Variants in SV2C observed in about 807,000 individuals in gnomAD.
SV2C encodes the protein synaptic vesicle glycoprotein 2C, also known as solute carrier family 22 member B3.
A neutral mutation model predicts 79.7 loss-of-function variants in SV2C; 49 were observed. The observed-to-expected ratio is 0.61, with a 90% confidence interval of 0.49 to 0.78. The LOEUF (loss-of-function observed/expected upper bound fraction) is 0.78. SV2C is among the 30% of genes least tolerant of loss of function. The pLI is 0.00. For synonymous variants in SV2C, 334 were observed against 333.2 expected, an observed-to-expected ratio of 1.00 and a Z score of -0.03; for missense variants, 833 against 912.9, an observed-to-expected ratio of 0.91 and a Z score of 1.13.
intron 4 of SV2C, chr5:76,281,308 G>T: frequency 2.2e-6 from 1 of 460,210 alleles, no homozygotes; most frequent in African/African-American, 2.0e-5. Context: ...TTAATGGAAC[G>T]ATTCTAGGAC....
chr5:76,234,345 A>G (rs1745542901), intron 4 of SV2C, among the ~76,000 whole-genome samples: 1 of 152,206 alleles, frequency 6.6e-6, no homozygotes. Context: ...TTATCACTCA[A>G]ATTCTAAAGC....
At chr5:76,009,456 C>A in the SV2C span, among the ~76,000 whole-genome samples, 1 of 152,220 alleles carries the variant, frequency 6.6e-6, no homozygotes, top group Non-Finnish European at 1.5e-5. Context: ...AAGACACACA[C>A]ACTTGCATGT....
chr5:75,855,315 C>A, the SV2C span, among the ~76,000 whole-genome samples: 2 of 151,958 alleles, frequency 1.3e-5, no homozygotes, highest in Non-Finnish European at 2.9e-5. Context: ...TTTTTAATTG[C>A]TTGAAGAGAG....
chr5:76,312,242 T>A (rs1748467453), intron 12 of SV2C, among the ~76,000 whole-genome samples: 2 of 150,024 alleles, frequency 1.3e-5, no homozygotes, highest in South Asian at 2.1e-4. Flanking sequence ...TGCTTATGGC[T>A]CAGGGGCCAC....
chr5:76,160,717 A>C (rs1255990382), intron 2 of SV2C, among the ~76,000 whole-genome samples: 9 of 152,228 alleles, frequency 5.9e-5, no homozygotes, highest in East Asian at 3.8e-4. Flanking sequence ...TTAAAATGGC[A>C]AAGGACTTGA....
the SV2C span, among the ~76,000 whole-genome samples, chr5:75,944,193 A>G: frequency 6.6e-6 from 1 of 152,062 alleles, no homozygotes; most frequent in Non-Finnish European, 1.5e-5. Context: ...AAGAGAACCA[A>G]TTCTATGATG....
chr5:76,040,026 C>G, the SV2C span, among the ~76,000 whole-genome samples: 1 of 152,006 alleles, frequency 6.6e-6, no homozygotes, highest in Non-Finnish European at 1.5e-5. Context: ...GACAGCATAA[C>G]AAGATATAAT....
At chr5:76,325,319 G>A (rs1417204333) in intron 12 of SV2C, 45 bp from the exon 13 acceptor site, 2 of 1,593,486 alleles carry the variant, frequency 1.3e-6, no homozygotes, top group South Asian at 1.1e-5. Context: ...TTGGAATCAT[G>A]GGGAGGCATT....
chr5:75,970,746 C>T, the SV2C span, among the ~76,000 whole-genome samples: 1 of 152,060 alleles, frequency 6.6e-6, no homozygotes, highest in East Asian at 1.9e-4. Flanking sequence ...ACCAGAGGTA[C>T]ATGGAGGAAC....
the SV2C span, among the ~76,000 whole-genome samples, chr5:75,890,725 C>G: frequency 1.3e-5 from 2 of 152,058 alleles, no homozygotes; most frequent in Non-Finnish European, 2.9e-5. Flanking sequence ...TTGCCCTAAG[C>G]TAGAATGCTA....
chr5:76,242,399 G>C lies in SV2C; in HGVS notation c.913+32512G>C, dbSNP rs1745816953. The C allele has an allele frequency of 1.8e-5, 13 of 713,144 alleles. 1 individual carries two copies. Among genetic ancestry groups the C allele is most frequent in the South Asian group, 1.7e-4 (12 of 68,700 alleles). 44.2% of individuals were successfully genotyped at this position (713,144 alleles called of 1,614,324 possible). On this transcript the variant is annotated intron_variant, in intron 4 of 12. Coordinates refer to ENST00000502798, the MANE Select transcript of SV2C (RefSeq NM_014979.4). Reference sequence around the variant, plus strand: ...GTCGTTCTCGCCTCTTCTTCACACTGCTCCGGTCTCAATCTCTTGACCTCA... The same window carrying C: ...GTCGTTCTCGCCTCTTCTTCACACTCCTCCGGTCTCAATCTCTTGACCTCA...
intron 12 of SV2C, among the ~76,000 whole-genome samples, chr5:76,343,519 A>G (rs1749482890): frequency 6.6e-6 from 1 of 152,208 alleles, no homozygotes; most frequent in South Asian, 2.1e-4. Context: ...GTAAAATGCC[A>G]CTAGAGACTC....
intron 4 of SV2C, among the ~76,000 whole-genome samples, chr5:76,220,599 C>T (rs987446014): frequency 7.2e-6 from 1 of 139,822 alleles, no homozygotes; most frequent in African/African-American, 2.7e-5. Context: ...TTGAACTTCC[C>T]GGGAAGGGAC....
At chr5:75,862,345 G>A in the SV2C span, among the ~76,000 whole-genome samples, 1 of 152,150 alleles carries the variant, frequency 6.6e-6, no homozygotes, top group South Asian at 2.1e-4. Flanking sequence ...GGCAGCTTGG[G>A]TTTAGACAGA....
At chr5:76,028,444 T>C in the SV2C span, among the ~76,000 whole-genome samples, 2 of 152,144 alleles carry the variant, frequency 1.3e-5, no homozygotes, top group Admixed American at 1.3e-4. Flanking sequence ...GTAAAACCAG[T>C]TTGGCTGTAG....
In SV2C at chr5:76,294,306, T is replaced by C. The variant is rs80020763; in HGVS notation, c.1338-1472T>C. Among the ~76,000 whole-genome samples the C allele has an allele frequency of 2.3e-3, 296 of 127,022 alleles. 1 individual carries two copies. Among genetic ancestry groups the C allele is most frequent in the Middle Eastern group, 8.5e-3 (2 of 234 alleles). 83.3% of individuals were successfully genotyped at this position (127,022 alleles called of 152,430 possible). A position where few individuals can be genotyped will look rare whatever the true frequency, so the allele number is the denominator to read the frequency against. On this transcript the variant is annotated intron_variant, in intron 8 of 12. Coordinates refer to ENST00000502798, the MANE Select transcript of SV2C (RefSeq NM_014979.4). ...TTTGTTTCATTCATTCTCTCTCTCT[T>C]TTTTTTTTTTTTTTTTGATGGAGTC...
intron 1 of SV2C, among the ~76,000 whole-genome samples, chr5:76,098,187 G>A (rs1208122432): frequency 2.0e-5 from 3 of 152,146 alleles, no homozygotes; most frequent in African/African-American, 7.2e-5. Context: ...TATTCTTAGA[G>A]GTCACTGTCA....
the SV2C span, among the ~76,000 whole-genome samples, chr5:75,968,054 G>A: frequency 1.3e-5 from 2 of 152,172 alleles, no homozygotes; most frequent in Non-Finnish European, 2.9e-5. Flanking sequence ...TGATACCCAG[G>A]CAAACAGGGT....
chr5:75,885,962 G>T, the SV2C span, among the ~76,000 whole-genome samples: 8 of 152,120 alleles, frequency 5.3e-5, no homozygotes, highest in Non-Finnish European at 1.2e-4. Context: ...TCAAACAAAA[G>T]CCTCACTCAG....
Sources: gnomAD v4.1 joint callset for allele counts (sites outside exome capture counted in the v4.1 genomes callset) on GRCh38, gnomAD v4.1.1 for gene constraint, MANE v1.5 for transcripts, NCBI Gene and HGNC (gene_info 2026-07-23, HGNC 2026-07-21) for gene names.